The following GRID2 variants were observed in gnomAD, a reference collection of about 807,000 sequenced individuals.
GRID2 encodes the protein glutamate receptor ionotropic, delta-2.
Under a neutral mutation model 114.8 loss-of-function variants are expected in GRID2, and 33 were observed. That is an observed-to-expected ratio of 0.29 (90% confidence interval 0.22 to 0.38). The LOEUF is 0.38. Ranked by LOEUF, GRID2 falls within the 10% of genes least tolerant of loss-of-function variation. The pLI is 1.00. For synonymous variants in GRID2, 505 were observed against 449.9 expected, an observed-to-expected ratio of 1.12 and a Z score of -1.55; for missense variants, 1,184 against 1,257.7, an observed-to-expected ratio of 0.94 and a Z score of 0.89.
chr4:92,994,469 C>T (rs1371486852), intron 2 of GRID2, among the ~76,000 whole-genome samples: 2 of 152,008 alleles, frequency 1.3e-5, no homozygotes, highest in Admixed American at 6.6e-5. Flanking sequence ...TCTCCTACCT[C>T]AGCCTCCCAA....
chr4:93,197,861 C>G (rs1465692785), intron 4 of GRID2, among the ~76,000 whole-genome samples: 2 of 152,082 alleles, frequency 1.3e-5, no homozygotes, highest in East Asian at 1.9e-4. Context: ...AGGTATTTGG[C>G]TTTGCAGATT....
chr4:93,799,070 T>C (rs1423486179), intron 1 of GRID2, among the ~76,000 whole-genome samples: 1 of 152,202 alleles, frequency 6.6e-6, no homozygotes, highest in African/African-American at 2.4e-5. Context: ...GCAAACCATT[T>C]AAAGACCCTC....
At chr4:92,911,299 A>G (rs1006632005) in intron 2 of GRID2, among the ~76,000 whole-genome samples, 1 of 152,064 alleles carries the variant, frequency 6.6e-6, no homozygotes, top group African/African-American at 2.4e-5. Flanking sequence ...AGGACCATAC[A>G]TTTCATACAG....
intron 2 of GRID2, among the ~76,000 whole-genome samples, chr4:92,681,205 A>C (rs1027228616): frequency 7.9e-5 from 12 of 152,198 alleles, no homozygotes; most frequent in Admixed American, 6.5e-4. Context: ...ATAAAACTAC[A>C]GGGACAGGGA....
At chr4:92,811,512 A>ATCAG (rs1740661654) in intron 2 of GRID2, among the ~76,000 whole-genome samples, 1 of 152,088 alleles carries the variant, frequency 6.6e-6, no homozygotes, top group Non-Finnish European at 1.5e-5. Flanking sequence ...TGTATATCAA[A>ATCAG]TCAGTCATTA....
chr4:93,095,663 CATA>C (rs1731153115), intron 3 of GRID2, among the ~76,000 whole-genome samples: 2 of 151,720 alleles, frequency 1.3e-5, no homozygotes, highest in Non-Finnish European at 2.9e-5. Context: ...TGAAATAAAA[CATA>C]ATATCAAATA....
At chr4:92,643,143 C>A (rs1045039591) in intron 2 of GRID2, among the ~76,000 whole-genome samples, 2 of 151,448 alleles carry the variant, frequency 1.3e-5, no homozygotes, top group Non-Finnish European at 3.0e-5. Context: ...TGAGAATGAC[C>A]TTGGTAGTTT....
At chr4:92,489,045 A>G (rs1341865655) in intron 1 of GRID2, among the ~76,000 whole-genome samples, 3 of 152,184 alleles carry the variant, frequency 2.0e-5, no homozygotes, top group African/African-American at 7.2e-5. Context: ...AATAGATAGA[A>G]AACACAGTGT....
At chr4:93,151,745 C>A (rs1247324296) in intron 4 of GRID2, among the ~76,000 whole-genome samples, 1 of 151,974 alleles carries the variant, frequency 6.6e-6, no homozygotes, top group African/African-American at 2.4e-5. Context: ...TATTTTGAAG[C>A]CAACAGTGCC....
chr4:92,721,212 G>A (rs1226956225), intron 2 of GRID2, among the ~76,000 whole-genome samples: 1 of 152,052 alleles, frequency 6.6e-6, no homozygotes, highest in African/African-American at 2.4e-5. Flanking sequence ...AAAGATGAAG[G>A]AATAAGCTCT....
chr4:92,817,324 G>A (rs1014141246), intron 2 of GRID2, among the ~76,000 whole-genome samples: 2 of 151,614 alleles, frequency 1.3e-5, no homozygotes, highest in African/African-American at 4.8e-5. Context: ...AATTATAATT[G>A]GATCATATTA....
Position 93,681,243 on chromosome 4 carries a change from G to T in GRID2, c.2360+54808G>T, listed in dbSNP as rs1258636128. The stretch of plus-strand genomic sequence containing the variant: ...CAAGGGACGTGAAGGACCTCTTCAA[G>T]AAGAACTACAAACCACTGCTCAAGG... On this transcript the variant is annotated intron_variant, in intron 14 of 15. Transcript: ENST00000282020. 2.0e-5 allele frequency among the ~76,000 whole-genome samples: 3 copies of T among 151,486 alleles called. No individual in the cohort carries two copies. The South Asian group carries it at 6.3e-4, about 32-fold the overall frequency.
chr4:92,380,485 C>T (rs1260418465), intron 1 of GRID2, among the ~76,000 whole-genome samples: 2 of 151,926 alleles, frequency 1.3e-5, no homozygotes, highest in Non-Finnish European at 2.9e-5. Flanking sequence ...CCTCCCCCAA[C>T]TCCACCTCTA....
intron 1 of GRID2, among the ~76,000 whole-genome samples, chr4:92,336,446 C>A (rs577180657): frequency 6.6e-6 from 1 of 152,068 alleles, no homozygotes; most frequent in Non-Finnish European, 1.5e-5. Context: ...TGATCTTAGC[C>A]AAAAGGTTAA....
intron 1 of GRID2, among the ~76,000 whole-genome samples, chr4:92,349,810 GA>G (rs1430416987): frequency 2.6e-5 from 4 of 151,708 alleles, no homozygotes; most frequent in Admixed American, 2.6e-4. Context: ...CACAGATAAT[GA>G]AAAGGAAACA....
At chr4:92,549,320 G>A (rs1726456683) in intron 1 of GRID2, among the ~76,000 whole-genome samples, 1 of 152,110 alleles carries the variant, frequency 6.6e-6, no homozygotes, top group Non-Finnish European at 1.5e-5. Flanking sequence ...AATGTGATCT[G>A]AGATATGGTT....
chr4:92,530,197 T>A (rs371052981), intron 1 of GRID2, among the ~76,000 whole-genome samples: 1 of 152,054 alleles, frequency 6.6e-6, no homozygotes, highest in Non-Finnish European at 1.5e-5. Context: ...ATTTTCAAAC[T>A]ATCATAAAAT....
intron 2 of GRID2, among the ~76,000 whole-genome samples, chr4:92,851,078 A>C (rs183538456): frequency 6.6e-6 from 1 of 151,936 alleles, no homozygotes; most frequent in Admixed American, 6.6e-5. Context: ...TTTAATTTGC[A>C]GCTTATTAAT....
intron 14 of GRID2, among the ~76,000 whole-genome samples, chr4:93,705,861 G>T (rs1272841404): frequency 6.6e-6 from 1 of 152,062 alleles, no homozygotes; most frequent in African/African-American, 2.4e-5. Flanking sequence ...TTTGCATATG[G>T]TCAGAGATAG....
Sources: allele counts gnomAD v4.1 joint callset (sites outside exome capture counted in the v4.1 genomes callset), GRCh38; gene constraint gnomAD v4.1.1; transcripts MANE v1.5; gene names NCBI Gene and HGNC (gene_info 2026-07-23, HGNC 2026-07-21).